Variants in EPDR1 observed in about 807,000 individuals in gnomAD.
EPDR1 encodes the protein ependymin related 1.
Under a neutral mutation model 23.7 loss-of-function variants are expected in EPDR1, and 27 were observed. The observed-to-expected ratio is 1.14, with a 90% confidence interval of 0.84 to 1.57. EPDR1 has a LOEUF of 1.57. Among genes scored for constraint, EPDR1 ranks in the 40% most tolerant of loss-of-function variants. The pLI is 0.00. For synonymous variants in EPDR1, 137 were observed against 118.2 expected, an observed-to-expected ratio of 1.16 and a Z score of -1.03; for missense variants, 349 against 290.4, an observed-to-expected ratio of 1.20 and a Z score of -1.47.
Position 37,936,039 on chromosome 7 carries a change from T to TACACAC in EPDR1, c.270-12796_270-12795insCACACA, listed in dbSNP as rs1554374638. 1.0e-3 allele frequency among the ~76,000 whole-genome samples: 81 copies of TACACAC among 80,946 alleles called. 7 individuals are homozygous for TACACAC. Among genetic ancestry groups the TACACAC allele is most frequent in the African/African-American group, 2.4e-3 (56 of 23,552 alleles). 53.1% of individuals were successfully genotyped at this position (80,946 alleles called of 152,430 possible). A position where few individuals can be genotyped will look rare whatever the true frequency, so the allele number is the denominator to read the frequency against. Reference sequence around the variant, plus strand: ...ATATATATATATATATATATATATATACACAAGGGAAATGTGAATCTGTTA... The same window carrying TACACAC: ...ATATATATATATATATATATATATATACACACACACAAGGGAAATGTGAATCTGTTA... On this transcript the variant is annotated intron_variant, in intron 1 of 2. Transcript: ENST00000199448.
chr7:37,945,844 A>G (rs1446113965), intron 1 of EPDR1, among the ~76,000 whole-genome samples: 1 of 152,140 alleles, frequency 6.6e-6, no homozygotes, highest in African/African-American at 2.4e-5. Flanking sequence ...TAAGCCCAGC[A>G]TCCATTAGCT....
chr7:37,921,748 T>G (rs1047101407), intron 1 of EPDR1, among the ~76,000 whole-genome samples: 1 of 152,228 alleles, frequency 6.6e-6, no homozygotes, highest in African/African-American at 2.4e-5. Context: ...TGTTACAGCA[T>G]TAAAATTTTG....
chr7:37,949,156 A>T (rs982332684), intron 2 of EPDR1, 108 bp downstream of exon 2: 189 of 1,091,538 alleles, frequency 1.7e-4, no homozygotes, highest in Admixed American at 1.8e-4. Context: ...TTAATCAAAA[A>T]TTTTTTAAAG....
intron 1 of EPDR1, among the ~76,000 whole-genome samples, chr7:37,948,063 G>A (rs1164145242): frequency 6.6e-6 from 1 of 152,242 alleles, no homozygotes; most frequent in Admixed American, 6.5e-5. Context: ...CTGCTCGGCA[G>A]TGGAGGCAGT....
chr7:37,942,894 G>A (rs1013061125), intron 1 of EPDR1, among the ~76,000 whole-genome samples: 3 of 152,194 alleles, frequency 2.0e-5, no homozygotes, highest in Non-Finnish European at 4.4e-5. Flanking sequence ...AGGAAACAAT[G>A]GAAATTGTCA....
chr7:37,937,789 T>C (rs76405502), intron 1 of EPDR1, among the ~76,000 whole-genome samples: 5,871 of 152,034 alleles, frequency 0.039, 377 homozygotes, highest in African/African-American at 0.13. Context: ...TGCAAGTTCA[T>C]AGGAAAATAG....
intron 1 of EPDR1, among the ~76,000 whole-genome samples, chr7:37,932,403 C>T (rs1037979695): frequency 1.3e-5 from 2 of 152,172 alleles, no homozygotes; most frequent in Non-Finnish European, 2.9e-5. Context: ...TCCCAAGTAT[C>T]TGGGACCACA....
chr7:37,933,947 G>A (rs1380732807), intron 1 of EPDR1, among the ~76,000 whole-genome samples: 1 of 151,696 alleles, frequency 6.6e-6, no homozygotes, highest in Non-Finnish European at 1.5e-5. Flanking sequence ...AAGACCCCAG[G>A]CTTATCTGCA....
rs575480068 is a variant in EPDR1, at chr7:37,932,825, C to T, written c.269+11617C>T. ...TCATGAGAAATTTTTTATTATCTTT[C>T]ATCAGATGAAAGAGTATTTGCCTAC... On this transcript the variant is annotated intron_variant, in intron 1 of 2. Coordinates refer to ENST00000199448, the MANE Select transcript of EPDR1 (RefSeq NM_017549.5). Among the ~76,000 whole-genome samples, 4 of 152,300 alleles carry T rather than the reference C, an allele frequency of 2.6e-5. No homozygotes were observed. The East Asian group carries it at 7.7e-4, about 29-fold the overall frequency.
At chr7:37,949,906 A>G (rs1024088804) in intron 2 of EPDR1, among the ~76,000 whole-genome samples, 12 of 152,256 alleles carry the variant, frequency 7.9e-5, no homozygotes, top group African/African-American at 2.9e-4. Context: ...TGAGGTATGT[A>G]GAGTCGTCAA....
At chr7:37,939,299 A>C (rs1158689006) in intron 1 of EPDR1, among the ~76,000 whole-genome samples, 3 of 151,876 alleles carry the variant, frequency 2.0e-5, no homozygotes, top group Non-Finnish European at 4.4e-5. Context: ...TTTTCTCACA[A>C]ATTGATGTGG....
At chr7:37,944,238 C>A (rs553332866) in intron 1 of EPDR1, among the ~76,000 whole-genome samples, 1 of 152,200 alleles carries the variant, frequency 6.6e-6, no homozygotes, top group African/African-American at 2.4e-5. Flanking sequence ...CTGCTTCATT[C>A]TTTAATCCTA....
chr7:37,933,539 A>G (rs990688316), intron 1 of EPDR1, among the ~76,000 whole-genome samples: 2 of 152,198 alleles, frequency 1.3e-5, no homozygotes, highest in African/African-American at 2.4e-5. Context: ...AACATGTTCA[A>G]CCAGCTGAAT....
In EPDR1 at chr7:37,920,789, G is replaced by A. The variant is rs1266418205; in HGVS notation, c.-151G>A. On this transcript the variant is annotated 5_prime_UTR_variant, in exon 1 of 3. Coordinates refer to ENST00000199448, the MANE Select transcript of EPDR1 (RefSeq NM_017549.5). ...CTCGCGCGTCCGGATCTCAAAAGCG[G>A]CAGAGGCCACCGAAGGGACAGGAAG... 6.2e-7 allele frequency: 1 copy of A among 1,610,016 alleles called. No homozygotes were observed. Among genetic ancestry groups the A allele is most frequent in the South Asian group, 1.1e-5 (1 of 90,174 alleles).
chr7:37,933,513 A>T (rs1297354135), intron 1 of EPDR1, among the ~76,000 whole-genome samples: 1 of 152,238 alleles, frequency 6.6e-6, no homozygotes. Context: ...TCTGTTAAAA[A>T]AATAAAAATG....
intron 1 of EPDR1, among the ~76,000 whole-genome samples, chr7:37,944,140 CTG>C (rs1391910573): frequency 2.0e-5 from 3 of 152,204 alleles, no homozygotes; most frequent in African/African-American, 7.2e-5. Context: ...TATTGTAACT[CTG>C]TAAGCGGGGG....
At chr7:37,925,932 T>C (rs573307111) in intron 1 of EPDR1, among the ~76,000 whole-genome samples, 1 of 152,352 alleles carries the variant, frequency 6.6e-6, no homozygotes, top group African/African-American at 2.4e-5. Flanking sequence ...TTCAAAGTTC[T>C]TTTTCTTCCT....
chr7:37,940,420 TAAAGTCCCTGAATTGGGA>T (rs1436980138), intron 1 of EPDR1, among the ~76,000 whole-genome samples: 2 of 152,114 alleles, frequency 1.3e-5, no homozygotes, highest in African/African-American at 4.8e-5. Context: ...AGGAAAAGTG[TAAAGTCCCTGAATTGGGA>T]ACAAACTAAA....
At chr7:37,945,810 CG>C (rs1562863789) in intron 1 of EPDR1, among the ~76,000 whole-genome samples, 2 of 152,140 alleles carry the variant, frequency 1.3e-5, no homozygotes. Flanking sequence ...TCTTGCTGCA[CG>C]GATCATCCCA....
Sources: allele counts gnomAD v4.1 joint callset (sites outside exome capture counted in the v4.1 genomes callset), GRCh38; gene constraint gnomAD v4.1.1; transcripts MANE v1.5; gene names NCBI Gene and HGNC (gene_info 2026-07-23, HGNC 2026-07-21).